SORCS2: variants seen among roughly 807,000 people sequenced by gnomAD.
SORCS2 encodes the protein sortilin related VPS10 domain containing receptor 2.
A neutral mutation model predicts 141.6 loss-of-function variants in SORCS2; 100 were observed. That is an observed-to-expected ratio of 0.71 (90% CI 0.60 to 0.83). The LOEUF is 0.83. SORCS2 is among the 40% of genes least tolerant of loss of function. SORCS2 has a pLI of 0.00. For synonymous variants in SORCS2, 789 were observed against 676.9 expected, an observed-to-expected ratio of 1.17 and a Z score of -2.57; for missense variants, 1,646 against 1,560.2, an observed-to-expected ratio of 1.05 and a Z score of -0.93.
intron 8 of SORCS2, among the ~76,000 whole-genome samples, chr4:7,672,111 T>C (rs1278365848): frequency 6.6e-6 from 1 of 151,982 alleles, no homozygotes; most frequent in Non-Finnish European, 1.5e-5. Context: ...ACCCAGCTAA[T>C]TTTGTATTTT....
At chr4:7,470,498 A>G (rs1394696089) in intron 2 of SORCS2, among the ~76,000 whole-genome samples, 1 of 152,208 alleles carries the variant, frequency 6.6e-6, no homozygotes, top group African/African-American at 2.4e-5. Context: ...TGGAGGCTTT[A>G]ACTGCCAGGC....
chr4:7,724,461 G>A (rs1726913734), intron 19 of SORCS2, among the ~76,000 whole-genome samples: 6 of 105,208 alleles, frequency 5.7e-5, no homozygotes, highest in African/African-American at 2.4e-4. Context: ...TGGTGATGGT[G>A]GTGGTGATGG....
intron 2 of SORCS2, among the ~76,000 whole-genome samples, chr4:7,414,562 G>A (rs969152078): frequency 2.6e-5 from 4 of 152,192 alleles, no homozygotes; most frequent in Admixed American, 6.5e-5. Flanking sequence ...TCTCGGCCAC[G>A]AGGAAGGGGC....
At chr4:7,522,358 A>T (rs535962773) in intron 2 of SORCS2, among the ~76,000 whole-genome samples, 45 of 152,318 alleles carry the variant, frequency 3.0e-4, no homozygotes, top group African/African-American at 1.0e-3. Flanking sequence ...TAAGCAGCCG[A>T]TTTGCAGACA....
chr4:7,718,247 G>A (rs961121545), intron 18 of SORCS2, 64 bp downstream of exon 18: 152 of 1,554,684 alleles, frequency 9.8e-5, no homozygotes, highest in Non-Finnish European at 1.1e-4. Flanking sequence ...AACTGGGCAC[G>A]CAGAAGGCAC....
At chr4:7,740,040 A>C (rs1196400607) in intron 26 of SORCS2, among the ~76,000 whole-genome samples, 160 bp from the exon 27 acceptor site, 1 of 152,060 alleles carries the variant, frequency 6.6e-6, no homozygotes, top group Admixed American at 6.5e-5. Flanking sequence ...CCACCTAGGA[A>C]CCGCGGAGAC....
At chr4:7,703,156 G>A (rs1317514334) in intron 12 of SORCS2, 124 bp from the exon 13 acceptor site, 2 of 718,878 alleles carry the variant, frequency 2.8e-6, no homozygotes, top group East Asian at 2.9e-5. Flanking sequence ...CCTCAGACCG[G>A]CCTTGGCCTC....
chr4:7,737,403 C>T (rs552892872), intron 26 of SORCS2, among the ~76,000 whole-genome samples: 25 of 152,160 alleles, frequency 1.6e-4, no homozygotes, highest in Non-Finnish European at 2.5e-4. Flanking sequence ...GACATGTGGA[C>T]GCTGAGGGCC....
chr4:7,572,986 C>A (rs1715499517), intron 3 of SORCS2, among the ~76,000 whole-genome samples: 1 of 152,158 alleles, frequency 6.6e-6, no homozygotes, highest in African/African-American at 2.4e-5. Flanking sequence ...AGTCTAAATC[C>A]CTTTGGAAAG....
chr4:7,253,329 G>A (rs1438659709), intron 1 of SORCS2, among the ~76,000 whole-genome samples: 1 of 152,226 alleles, frequency 6.6e-6, no homozygotes, highest in African/African-American at 2.4e-5. Flanking sequence ...GCTCCATCCT[G>A]AATCTGTGGC....
intron 1 of SORCS2, among the ~76,000 whole-genome samples, chr4:7,213,320 C>A (rs1728157336): frequency 6.6e-6 from 1 of 152,188 alleles, no homozygotes; most frequent in Non-Finnish European, 1.5e-5. Context: ...CACTGGGAGG[C>A]ACAGAGGCAA....
chr4:7,412,697 G>T (rs139454797), intron 2 of SORCS2, among the ~76,000 whole-genome samples: 2,557 of 151,882 alleles, frequency 0.017, 76 homozygotes, highest in African/African-American at 0.057. Context: ...TGGGGCGGGG[G>T]CCCTCCCTGC....
In SORCS2 at chr4:7,371,253, G is replaced by A. The variant is rs78056595; in HGVS notation, c.481-25035G>A. 1.5e-4 allele frequency among the ~76,000 whole-genome samples: 23 copies of A among 152,182 alleles called. No individual in the cohort carries two copies. The East Asian group carries it at 2.3e-3, about 15-fold the overall frequency. Reference sequence around the variant, plus strand: ...TACCCGCTGCAGGTCTGAGAGCATCGGGCCCGTCCCGCAGCTGCCTGCGCC... The same window carrying A: ...TACCCGCTGCAGGTCTGAGAGCATCAGGCCCGTCCCGCAGCTGCCTGCGCC... On this transcript the variant is annotated intron_variant, in intron 1 of 26. Coordinates refer to ENST00000507866, the MANE Select transcript of SORCS2 (RefSeq NM_020777.3).
intron 3 of SORCS2, among the ~76,000 whole-genome samples, chr4:7,585,041 G>A (rs770904840): frequency 1.1e-4 from 16 of 152,314 alleles, no homozygotes; most frequent in East Asian, 3.9e-4. Context: ...AAGAGCAGCC[G>A]TTCTGTCTGA....
At chr4:7,307,480 C>T (rs573679323) in intron 1 of SORCS2, among the ~76,000 whole-genome samples, 11 of 152,272 alleles carry the variant, frequency 7.2e-5, no homozygotes. Context: ...AACAGAGGCT[C>T]AGAGAGGAGG....
intron 1 of SORCS2, among the ~76,000 whole-genome samples, chr4:7,346,846 C>T (rs775993302): frequency 2.6e-5 from 4 of 152,128 alleles, no homozygotes; most frequent in Non-Finnish European, 5.9e-5. Flanking sequence ...CATGAGTTCC[C>T]AGGGTGTCTT....
chr4:7,739,557 C>T (rs192662619), intron 26 of SORCS2, among the ~76,000 whole-genome samples: 14 of 152,324 alleles, frequency 9.2e-5, no homozygotes, highest in Admixed American at 3.3e-4. Flanking sequence ...TTGAGGGGTG[C>T]GGTTGACCCT....
intron 3 of SORCS2, among the ~76,000 whole-genome samples, chr4:7,635,353 G>A (rs1326704620): frequency 6.6e-6 from 1 of 152,148 alleles, no homozygotes; most frequent in Non-Finnish European, 1.5e-5. Context: ...AACTCGCTAG[G>A]CTATCTCTGC....
chr4:7,236,219 G>A (rs1312523959), intron 1 of SORCS2, among the ~76,000 whole-genome samples: 1 of 152,248 alleles, frequency 6.6e-6, no homozygotes, highest in Admixed American at 6.5e-5. Flanking sequence ...AAATGGAGGA[G>A]CTTGGCGTTT....
Sources: allele counts gnomAD v4.1 joint callset (sites outside exome capture counted in the v4.1 genomes callset), GRCh38; gene constraint gnomAD v4.1.1; transcripts MANE v1.5; gene names NCBI Gene and HGNC (gene_info 2026-07-23, HGNC 2026-07-21).